The following ADNP variants were observed in gnomAD, a reference collection of about 807,000 sequenced individuals.
ADNP encodes activity dependent neuroprotector homeobox, also known as activity-dependent neuroprotector homeobox protein.
ADNP carries 4 observed loss-of-function variants against 84.9 expected under a neutral mutation model. The ratio of observed to expected loss-of-function variants is 0.05; its 90% confidence interval spans 0.02 to 0.11. The LOEUF (loss-of-function observed/expected upper bound fraction) is 0.11, where lower values mean the gene tolerates loss of function less well. ADNP is among the 10% of genes least tolerant of loss of function. ADNP has a pLI of 1.00. For synonymous variants in ADNP, 554 were observed against 468.1 expected (o/e 1.18, Z -2.37); for missense variants, 1,132 against 1,326.0 (o/e 0.85, Z 2.27).
chr20:50,929,463 T>G (rs1984508927), intron 1 of ADNP, among the ~76,000 whole-genome samples: 1 of 152,228 alleles, frequency 6.6e-6, no homozygotes, highest in Non-Finnish European at 1.5e-5. Context: ...AGTGCGAGTG[T>G]GTCTTGCTGG....
chr20:50,913,250 C>CAAAAAAA (rs56911332), intron 2 of ADNP, among the ~76,000 whole-genome samples: 476 of 42,876 alleles, frequency 0.011, 135 homozygotes, highest in Non-Finnish European at 0.015. Context: ...GACTCTGTCT[C>CAAAAAAA]AAAAAAAAAA....
intron 5 of ADNP, among the ~76,000 whole-genome samples, chr20:50,901,674 G>C (rs1436051843): frequency 6.6e-6 from 1 of 152,176 alleles, no homozygotes; most frequent in African/African-American, 2.4e-5. Context: ...ATGTAAGGAA[G>C]GGTCTTGTCT....
chr20:50,914,275 G>A lies in ADNP; in HGVS notation c.-89-9426C>T, dbSNP rs1983323480. 4.3e-6 allele frequency: 3 copies of A among 699,848 alleles called. No individual in the cohort carries two copies. In the South Asian group the frequency reaches 5.0e-5, roughly 12 times the overall value. 43.4% of individuals were successfully genotyped at this position (699,848 alleles called of 1,614,324 possible). ...TCCACACTTAGTCTGTGATAAGAGTGGAAGAAGCAAAACTGCTGGTGTCCC... is the reference window on the plus strand; with the variant it reads ...TCCACACTTAGTCTGTGATAAGAGTAGAAGAAGCAAAACTGCTGGTGTCCC... On this transcript the variant is annotated intron_variant, in intron 2 of 5. Coordinates refer to ENST00000621696, the MANE Select transcript of ADNP (RefSeq NM_001282531.3).
rs1981108705 is a variant in ADNP, at chr20:50,893,927, G to T, written c.787C>A (p.Pro263Thr). The T allele has an allele frequency of 6.2e-7, 1 of 1,613,960 alleles. No individual in the cohort carries two copies. The highest frequency in any genetic ancestry group is 1.7e-5 in the Admixed American group (1 of 59,996). The stretch of plus-strand genomic sequence containing the variant: ...ATTAGCATCAAGGGTTTGGATCGGG[G>T]AACCACTACATTTGTGTGCCCAATC... Reference protein sequence around the residue: ...AMIGHTNVVVPRSKPLMLIAP... With the variant: ...AMIGHTNVVVTRSKPLMLIAP... The change falls in exon 6 of 6, where the codon CCC becomes ACC. Residue 263 changes from proline (P) to threonine (T), a missense_variant. Around this residue, in one of 10 missense-constraint regions of ADNP, gnomAD observed 239 missense variants for 213.2 expected, o/e 1.12. Transcript: ENST00000621696. This position sits in a 1 kb window ranked among gnomAD's most constrained non-coding sequence, Gnocchi z 4.4.
chr20:50,901,486 A>G lies in ADNP; in HGVS notation c.201+531T>C, dbSNP rs149077251. 1.2e-3 allele frequency among the ~76,000 whole-genome samples: 180 copies of G among 152,274 alleles called. 1 individual carries two copies. The highest frequency in any genetic ancestry group is 0.01 in the Middle Eastern group (3 of 294). Reference sequence around the variant, plus strand: ...ATTACCTCTCTCTATGCAGAAGGAAATATCACCTATATGACATCATCATCA... The same window carrying G: ...ATTACCTCTCTCTATGCAGAAGGAAGTATCACCTATATGACATCATCATCA... On this transcript the variant is annotated intron_variant, in intron 5 of 5. Coordinates refer to ENST00000621696, the MANE Select transcript of ADNP (RefSeq NM_001282531.3).
chr20:50,930,725 CCCGCGCCCGGGGCCAGGCTGCACTGGCGG>C (rs1167796958), intron 1 of ADNP, 72 bp downstream of exon 1: 2 of 151,936 alleles, frequency 1.3e-5, no homozygotes, highest in Non-Finnish European at 2.9e-5. Flanking sequence ...CAACAATGCG[CCCGCGCCCGGGGCCAGGCTGCACTGGCGG>C]CCGCGCGGGC....
At position 50,894,053 on chromosome 20, in the gene ADNP, T is replaced by C. The variant is rs1981123876; in HGVS notation, c.661A>G (p.Ile221Val). The C allele has an allele frequency of 6.2e-7, 1 of 1,614,218 alleles. No individual in the cohort carries two copies. The highest frequency in any genetic ancestry group is 8.5e-7 in the Non-Finnish European group (1 of 1,180,026). Residue 221 changes from isoleucine to valine, a missense_variant, in exon 6 of 6, where the codon ATT (isoleucine) becomes GTT (valine). Around this residue, in one of 10 missense-constraint regions of ADNP, gnomAD observed 130 missense variants for 183.7 expected, o/e 0.71. Transcript: ENST00000621696. Reference sequence around the variant, plus strand: ...ATGAAAAGGCATCGCTTGCAGTGAATACTACTCTCTTCTCGGGCATTCGAG... The same window carrying C: ...ATGAAAAGGCATCGCTTGCAGTGAACACTACTCTCTTCTCGGGCATTCGAG... ...LGSNAREESS[I>V]HCKRCLFMPK...
Position 50,891,701 on chromosome 20 carries a change from C to T in ADNP, c.3013G>A (p.Asp1005Asn), listed in dbSNP as rs774158581. ...TWSDESSQSE[D>N]ARSSKPAAKK... Reference sequence around the variant, plus strand: ...GCAGCTGGCTTACTGCTCCTTGCATCTTCGCTTTGGGAAGACTCGTCAGAC... The same window carrying T: ...GCAGCTGGCTTACTGCTCCTTGCATTTTCGCTTTGGGAAGACTCGTCAGAC... The change falls in exon 6 of 6, where the codon GAT becomes AAT. Residue 1005 changes from aspartate to asparagine, a missense_variant. Physicochemically the swap from Asp to Asn is conservative, Grantham distance 23. Transcript: ENST00000621696. The T allele has an allele frequency of 8.1e-6, 13 of 1,614,206 alleles. No homozygotes were observed. Among genetic ancestry groups the T allele is most frequent in the Non-Finnish European group, 1.1e-5 (13 of 1,180,042 alleles).
chr20:50,912,272 G>A (rs1052185696), intron 2 of ADNP, among the ~76,000 whole-genome samples: 10 of 151,966 alleles, frequency 6.6e-5, no homozygotes, highest in Admixed American at 5.9e-4. Flanking sequence ...TCAGCCTCTC[G>A]AGTAGCTGGG....
At chr20:50,896,084 A>C (rs6067586) in intron 5 of ADNP, among the ~76,000 whole-genome samples, 1 of 151,948 alleles carries the variant, frequency 6.6e-6, no homozygotes, top group South Asian at 2.1e-4. Context: ...AAATAGCTGC[A>C]CATGGTGGCA....
intron 2 of ADNP, among the ~76,000 whole-genome samples, chr20:50,921,995 A>G (rs573232385): frequency 4.6e-5 from 7 of 152,344 alleles, no homozygotes; most frequent in South Asian, 2.1e-4. Context: ...CACTGCCTAC[A>G]TAAGAACTCC....
rs768978659 is a variant in ADNP at position 50,891,591 on chromosome 20, A to G, written c.3123T>C (p.Ser1041=). ...SSYGKVEGFW[S]KDQSQWKNAS... Reference sequence around the variant, plus strand: ...CATTCTTCCACTGTGACTGGTCCTTAGACCAAAACCCTTCAACTTTTCCAT... The same window carrying G: ...CATTCTTCCACTGTGACTGGTCCTTGGACCAAAACCCTTCAACTTTTCCAT... The change falls in exon 6 of 6, where the codon TCT becomes TCC. Residue 1041 remains serine (S), a synonymous_variant. Coordinates refer to ENST00000621696, the MANE Select transcript of ADNP (RefSeq NM_001282531.3). 4.3e-6 allele frequency: 7 copies of G among 1,613,398 alleles called. No homozygotes were observed. In the South Asian group the frequency reaches 7.7e-5, roughly 18 times the overall value.
chr20:50,919,513 G>A (rs888068077), intron 2 of ADNP, among the ~76,000 whole-genome samples: 1 of 151,870 alleles, frequency 6.6e-6, no homozygotes, highest in East Asian at 1.9e-4. Flanking sequence ...AACAAAGCAG[G>A]CACTCAATAA....
Position 50,891,811 on chromosome 20 carries a change from C to A in ADNP, c.2903G>T (p.Gly968Val). 6.2e-7 allele frequency: 1 copy of A among 1,614,154 alleles called. No homozygotes were observed. Among genetic ancestry groups the A allele is most frequent in the Non-Finnish European group, 8.5e-7 (1 of 1,180,016 alleles). Residue 968 changes from glycine (G) to valine (V), a missense_variant, in exon 6 of 6, where the codon GGT (glycine) becomes GTT (valine). This residue lies in a region of ADNP where 381 missense variants were observed against 319.9 expected (regional missense o/e 1.19). Coordinates refer to ENST00000621696, the MANE Select transcript of ADNP (RefSeq NM_001282531.3). ...AGGCCCACTCTCAGATGGAGAAGCA[C>A]CGTCTTTCCACTCAACAACATCGTC... ...DQDDVVEWKD[G>V]ASPSESGPGS...
Position 50,893,660 on chromosome 20 carries a change from C to T in ADNP, c.1054G>A (p.Gly352Ser). The part of the protein sequence containing the change: ...SVGQSMRLGL[G>S]GNAPVSIPQQ... ...GGAATGGAAACTGGTGCGTTGCCAC[C>T]TAGACCCAGTCTCATTGACTGACCA... Residue 352 changes from glycine to serine, a missense_variant, in exon 6 of 6, where the codon GGT becomes AGT. Physicochemically the swap from Gly to Ser is moderately conservative, Grantham distance 56 (BLOSUM62 0). Coordinates refer to ENST00000621696, the MANE Select transcript of ADNP (RefSeq NM_001282531.3). The surrounding 1 kb of genome is among the most constrained non-coding windows in gnomAD (Gnocchi z 4.4). 1 of 1,614,186 alleles carries T rather than the reference C, an allele frequency of 6.2e-7. No homozygotes were observed. The highest frequency in any genetic ancestry group is 8.5e-7 in the Non-Finnish European group (1 of 1,180,036).
In ADNP at chr20:50,930,235, T is replaced by C. The variant is rs541058347; in HGVS notation, c.-265+591A>G. ...GAGGTGCTGACCAGGCAGCTGAGAT[T>C]GGGGAAAAGGGATGGTGGTGAACTG... On this transcript the variant is annotated intron_variant, in intron 1 of 5. Transcript: ENST00000621696. 1.6e-3 allele frequency among the ~76,000 whole-genome samples: 248 copies of C among 152,084 alleles called. 1 individual carries two copies. Among genetic ancestry groups the C allele is most frequent in the South Asian group, 0.011 (53 of 4,810 alleles).
chr20:50,905,236 A>G (rs1453862220), intron 2 of ADNP: 1 of 152,256 alleles, frequency 6.6e-6, no homozygotes, highest in African/African-American at 2.4e-5. Context: ...AATGCTTCCC[A>G]TAATATGGTA....
intron 2 of ADNP, among the ~76,000 whole-genome samples, chr20:50,919,315 A>ATATATATATATATATATATATATATC (rs1555815826): frequency 1.4e-5 from 2 of 147,482 alleles, no homozygotes; most frequent in Non-Finnish European, 3.0e-5. Flanking sequence ...ATATATATAT[A>ATATATATATATATATATATATATATC]TGTAAAAAGC....
intron 1 of ADNP, among the ~76,000 whole-genome samples, chr20:50,929,728 T>C (rs2123027439): frequency 6.6e-6 from 1 of 152,296 alleles, no homozygotes; most frequent in Non-Finnish European, 1.5e-5. Flanking sequence ...TTTTTTTTTT[T>C]TTCATTCTGA....
Sources: allele counts gnomAD v4.1 joint callset (sites outside exome capture counted in the v4.1 genomes callset), GRCh38; gene constraint gnomAD v4.1.1; regional missense constraint gnomAD v4.1.1; non-coding constraint Gnocchi (gnomAD v3.1); transcripts MANE v1.5; gene names NCBI Gene and HGNC (gene_info 2026-07-23, HGNC 2026-07-21).